Variants in SAMD4B observed in about 807,000 individuals in gnomAD.
SAMD4B encodes sterile alpha motif domain containing 4B, also known as protein Smaug homolog 2.
In SAMD4B, 5 loss-of-function variants were observed where a neutral mutation model predicts 74.5. The ratio of observed to expected loss-of-function variants is 0.07; its 90% confidence interval spans 0.04 to 0.14. The LOEUF is 0.14. Among genes scored for constraint, SAMD4B ranks in the 10% least tolerant of loss-of-function variants. The pLI is 1.00. For missense variants in SAMD4B, 608 were observed against 921.8 expected (o/e 0.66, Z 4.41); for synonymous variants, 373 against 374.9 (o/e 1.00, Z 0.06).
chr19:39,360,881 G>A (rs1373669784), intron 3 of SAMD4B, among the ~76,000 whole-genome samples: 1 of 152,152 alleles, frequency 6.6e-6, no homozygotes, highest in Non-Finnish European at 1.5e-5. Context: ...GAGGGTATGG[G>A]CCTGGGAACG....
chr19:39,371,999 A>C (rs1448929709), intron 4 of SAMD4B, among the ~76,000 whole-genome samples: 1 of 152,056 alleles, frequency 6.6e-6, no homozygotes, highest in African/African-American at 2.4e-5. Context: ...CTCATCCCTC[A>C]CCAAGGGGAG....
chr19:39,386,850 C>T (rs374809833), downstream of SAMD4B: 15 of 1,252,896 alleles, frequency 1.2e-5, no homozygotes, highest in African/African-American at 2.9e-5. This position sits in a 1 kb window ranked among gnomAD's most constrained non-coding sequence, Gnocchi z 6.1. Context: ...GTTAAAGACA[C>T]ACCTCCCACT....
chr19:39,386,305 C>T (rs375424502), downstream of SAMD4B: 105 of 1,614,186 alleles, frequency 6.5e-5, no homozygotes, highest in East Asian at 1.7e-3. This position sits in a 1 kb window ranked among gnomAD's most constrained non-coding sequence, Gnocchi z 6.1. Flanking sequence ...TTGTCACTGG[C>T]CTCGTCCCTG....
At chr19:39,368,078 G>A (rs1312129206) in intron 3 of SAMD4B, among the ~76,000 whole-genome samples, 1 of 152,014 alleles carries the variant, frequency 6.6e-6, no homozygotes, top group Non-Finnish European at 1.5e-5. Flanking sequence ...GCTGGGCGTG[G>A]TGGTGGGCGC....
chr19:39,365,503 C>T (rs1033306182), intron 3 of SAMD4B, among the ~76,000 whole-genome samples: 1 of 151,792 alleles, frequency 6.6e-6, no homozygotes. Context: ...TGCAGTGAAC[C>T]GAGATCATGC....
intron 1 of SAMD4B, among the ~76,000 whole-genome samples, chr19:39,345,499 G>A (rs1277177745): frequency 1.3e-5 from 2 of 152,012 alleles, no homozygotes; most frequent in Non-Finnish European, 2.9e-5. Flanking sequence ...ATCTCTTCTT[G>A]TCCATCTGTT....
rs778744151 is a variant in SAMD4B at position 39,380,648 on chromosome 19, C to T, written c.1711C>T (p.Arg571Cys). 1.7e-5 allele frequency: 27 copies of T among 1,614,044 alleles called. No homozygotes were observed. The highest frequency in any genetic ancestry group is 2.1e-5 in the Non-Finnish European group (25 of 1,180,012). Residue 571 changes from arginine to cysteine, a missense_variant, in exon 11 of 14, where the codon CGT (arginine) becomes TGT (cysteine). Physicochemically the swap from Arg to Cys is radical, Grantham distance 180 (BLOSUM62 -3). Around this residue, in one of 9 missense-constraint regions of SAMD4B, gnomAD observed 167 missense variants for 193.0 expected, o/e 0.87. Transcript: ENST00000610417. ...CTCTGTGGGGATGGGAGTGGCCCGG[C>T]GTACCCAGCGGCAGTTCCCAATGCC... ...AGSVGMGVAR[R>C]TQRQFPMPPR...
chr19:39,357,082 C>T lies in SAMD4B; in HGVS notation c.189C>T (p.Asn63=). ...TCCACCTGCTGGAGTCGGAGGCCAA[C>T]AGTGCTGGTGAGTTTCCACCCTTAG... The part of the protein sequence containing the change: ...NDIHLLESEA[N]SAAIVSQWQQ... Residue 63 remains asparagine, a synonymous_variant, in exon 3 of 14, where the codon AAC becomes AAT. Coordinates refer to ENST00000610417, the MANE Select transcript of SAMD4B (RefSeq NM_001384574.2). 5 of 1,609,120 alleles carry T rather than the reference C, an allele frequency of 3.1e-6. No individual in the cohort carries two copies. Among genetic ancestry groups the T allele is most frequent in the Non-Finnish European group, 4.3e-6 (5 of 1,176,402 alleles).
At chr19:39,362,064 T>TGG (rs2076688928) in intron 3 of SAMD4B, among the ~76,000 whole-genome samples, 3 of 152,176 alleles carry the variant, frequency 2.0e-5, no homozygotes, top group Non-Finnish European at 4.4e-5. Context: ...ACCTTAGTAC[T>TGG]TCCTCCAGTT....
chr19:39,369,002 A>C (rs1372063087), intron 3 of SAMD4B, among the ~76,000 whole-genome samples: 1 of 152,162 alleles, frequency 6.6e-6, no homozygotes, highest in Non-Finnish European at 1.5e-5. Context: ...GGCCATGAAG[A>C]ATGGAGGAAG....
chr19:39,376,273 C>T (rs962974509), intron 5 of SAMD4B, among the ~76,000 whole-genome samples, 164 bp from the exon 6 acceptor site: 3 of 152,178 alleles, frequency 2.0e-5, no homozygotes, highest in African/African-American at 7.2e-5. Context: ...GAGGGTCTGG[C>T]TAGGCAGATG....
chr19:39,360,385 T>C (rs930618544), intron 3 of SAMD4B, among the ~76,000 whole-genome samples: 6 of 152,180 alleles, frequency 3.9e-5, no homozygotes, highest in African/African-American at 1.4e-4. Flanking sequence ...ATCAAGGTTT[T>C]TATCCATAGC....
Position 39,383,472 on chromosome 19 carries a change from C to T in SAMD4B, c.2057-27C>T, listed in dbSNP as rs199782888. The T allele has an allele frequency of 4.5e-5, 72 of 1,611,790 alleles. No individual in the cohort carries two copies. The highest frequency in any genetic ancestry group is 3.3e-4 in the Middle Eastern group (2 of 6,084). Reference sequence around the variant, plus strand: ...GGGCCTCCCTCCAGCTCCTGATCTTCCTCCCTTCCTCCCTTTCTTACCACA... The same window carrying T: ...GGGCCTCCCTCCAGCTCCTGATCTTTCTCCCTTCCTCCCTTTCTTACCACA... On this transcript the variant is annotated intron_variant, in intron 13 of 13. Coordinates refer to ENST00000610417, the MANE Select transcript of SAMD4B (RefSeq NM_001384574.2). This position sits in a 1 kb window ranked among gnomAD's most constrained non-coding sequence, Gnocchi z 4.1.
downstream of SAMD4B, chr19:39,385,918 C>A (rs1487365036): frequency 6.3e-7 from 1 of 1,584,086 alleles, no homozygotes; most frequent in Non-Finnish European, 8.6e-7. Context: ...GAAAGGCTCA[C>A]AAACAGACCA....
intron 1 of SAMD4B, among the ~76,000 whole-genome samples, chr19:39,345,602 C>A (rs949441131): frequency 3.9e-5 from 6 of 152,202 alleles, no homozygotes; most frequent in African/African-American, 1.4e-4. Flanking sequence ...CATTGTACCT[C>A]TTAGAACACC....
chr19:39,380,880 C>A (rs1252939974), intron 11 of SAMD4B, 95 bp downstream of exon 11: 49 of 1,510,928 alleles, frequency 3.2e-5, no homozygotes, highest in Non-Finnish European at 4.4e-5. Context: ...CTGGACCCAG[C>A]TTAGAGGTGG....
intron 4 of SAMD4B, among the ~76,000 whole-genome samples, chr19:39,373,586 C>T (rs1321564098): frequency 6.6e-6 from 1 of 151,994 alleles, no homozygotes; most frequent in African/African-American, 2.4e-5. Context: ...GAAGAGTTGG[C>T]GAGGTGAGCG....
downstream of SAMD4B, among the ~76,000 whole-genome samples, chr19:39,387,469 G>A (rs2078278000): frequency 6.6e-6 from 1 of 152,210 alleles, no homozygotes; most frequent in Non-Finnish European, 1.5e-5. Flanking sequence ...CACAGCAACA[G>A]TGGGCTGGAA....
chr19:39,389,873 A>G, downstream of SAMD4B: 1 of 1,447,584 alleles, frequency 6.9e-7, no homozygotes, highest in Non-Finnish European at 9.7e-7. The surrounding 1 kb of genome is among the most constrained non-coding windows in gnomAD (Gnocchi z 5.3). Flanking sequence ...AGTGTCCCCC[A>G]TGGCAGAGTC....
Sources: allele counts gnomAD v4.1 joint callset (sites outside exome capture counted in the v4.1 genomes callset), GRCh38; gene constraint gnomAD v4.1.1; regional missense constraint gnomAD v4.1.1; non-coding constraint Gnocchi (gnomAD v3.1); transcripts MANE v1.5; gene names NCBI Gene and HGNC (gene_info 2026-07-23, HGNC 2026-07-21).